The following ARHGAP21 variants were observed in gnomAD, a reference collection of about 807,000 sequenced individuals.
ARHGAP21 encodes the protein rho GTPase-activating protein 21.
A neutral mutation model predicts 164.6 loss-of-function variants in ARHGAP21; 38 were observed. That is an observed-to-expected ratio of 0.23 (90% CI 0.18 to 0.30). ARHGAP21 has a LOEUF of 0.30. Among genes scored for constraint, ARHGAP21 ranks in the 10% least tolerant of loss-of-function variants. ARHGAP21 has a pLI of 1.00. For missense variants in ARHGAP21, 1,822 were observed against 2,370.7 expected (o/e 0.77, Z 4.81); for synonymous variants, 766 against 857.9 (o/e 0.89, Z 1.87).
intron 4 of ARHGAP21, among the ~76,000 whole-genome samples, chr10:24,642,600 C>T (rs913346913): frequency 6.6e-6 from 1 of 151,576 alleles, no homozygotes; most frequent in Non-Finnish European, 1.5e-5. Context: ...GTGATCGGTA[C>T]TGCAAGCTGA....
chr10:24,685,694 G>A (rs1842150220), intron 2 of ARHGAP21, among the ~76,000 whole-genome samples: 1 of 152,004 alleles, frequency 6.6e-6, no homozygotes, highest in African/African-American at 2.4e-5. Context: ...TGGCCAACAT[G>A]GTAAAACCCC....
Position 24,677,203 on chromosome 10 carries a change from G to A in ARHGAP21, c.64-6806C>T, listed in dbSNP as rs1008685385. 3.3e-5 allele frequency among the ~76,000 whole-genome samples: 5 copies of A among 152,214 alleles called. No homozygotes were observed. The East Asian group carries it at 9.6e-4, about 29-fold the overall frequency. ...CCATTGTACTCCTGCCTAAGCGACA[G>A]AGCGAGACTCCGACTCTAAATAAAT... On this transcript the variant is annotated intron_variant, in intron 2 of 25. Coordinates refer to ENST00000396432, the MANE Select transcript of ARHGAP21 (RefSeq NM_020824.4).
intron 2 of ARHGAP21, among the ~76,000 whole-genome samples, chr10:24,676,053 CAGG>C (rs1437423420): frequency 6.6e-6 from 1 of 152,104 alleles, no homozygotes; most frequent in Admixed American, 6.5e-5. Flanking sequence ...GAGGCTGAGG[CAGG>C]AGAAGCACTA....
Position 24,621,265 on chromosome 10 carries a change from G to T in ARHGAP21, c.630C>A (p.Ala210=). The part of the protein sequence containing the change: ...PPICYPWLPS[A]PSAMAQPVEI... ...CAACTGGCTGTGCCATGGCTGATGG[G>T]GCAGATGGCAGCCAGGGATAGCAGA... Residue 210 remains alanine (A), a synonymous_variant, in exon 9 of 26, where the codon GCC becomes GCA. Transcript: ENST00000396432. 2 of 1,613,884 alleles carry T rather than the reference G, an allele frequency of 1.2e-6. No homozygotes were observed. Among genetic ancestry groups the T allele is most frequent in the Non-Finnish European group, 1.7e-6 (2 of 1,179,844 alleles).
chr10:24,604,782 C>A (rs2076956089), intron 11 of ARHGAP21, among the ~76,000 whole-genome samples: 1 of 152,046 alleles, frequency 6.6e-6, no homozygotes. Flanking sequence ...CTGGTGGATA[C>A]CCTGAACTGG....
At chr10:24,628,575 T>C (rs1179315360) in intron 7 of ARHGAP21, among the ~76,000 whole-genome samples, 3 of 152,036 alleles carry the variant, frequency 2.0e-5, no homozygotes, top group Non-Finnish European at 4.4e-5. Flanking sequence ...AATTTAGCTA[T>C]AGGTAATAAG....
intron 7 of ARHGAP21, among the ~76,000 whole-genome samples, chr10:24,623,532 G>A (rs575087404): frequency 3.3e-5 from 5 of 152,258 alleles, no homozygotes; most frequent in African/African-American, 1.2e-4. Context: ...TGCATTTTGG[G>A]TGTGTGCATT....
intron 4 of ARHGAP21, among the ~76,000 whole-genome samples, chr10:24,653,497 C>T (rs1838426866): frequency 2.0e-5 from 3 of 151,696 alleles, no homozygotes; most frequent in South Asian, 4.2e-4. Context: ...GGTGTGAACC[C>T]GGGAAGCGGA....
intron 2 of ARHGAP21, among the ~76,000 whole-genome samples, chr10:24,718,100 C>G (rs550174817): frequency 6.6e-6 from 1 of 152,254 alleles, no homozygotes; most frequent in East Asian, 1.9e-4. Context: ...GACCTGAACT[C>G]AGGTGGGGGT....
intron 7 of ARHGAP21, among the ~76,000 whole-genome samples, chr10:24,628,378 T>C (rs1046200876): frequency 6.6e-6 from 1 of 152,196 alleles, no homozygotes; most frequent in Admixed American, 6.5e-5. Flanking sequence ...CACTTAATTA[T>C]AGTTTACATG....
rs566025075 is a variant in ARHGAP21, at chr10:24,584,927, C to G, written c.5362G>C (p.Val1788Leu). The change falls in exon 26 of 26, where the codon GTG (valine) becomes CTG (leucine). Residue 1788 changes from valine to leucine, a missense_variant. Val to Leu is a conservative substitution (Grantham distance 32). Transcript: ENST00000396432. ...DDMFGVGNHK[V>L]NAETAKRKSI... ...TTCCTTTTAGCAGTCTCGGCATTCA[C>G]TTTGTGATTCCCTACTCCAAACATG... is the stretch of plus-strand genomic sequence containing the variant. 1.2e-6 allele frequency: 2 copies of G among 1,613,950 alleles called. No homozygotes were observed. Among genetic ancestry groups the G allele is most frequent in the East Asian group, 4.5e-5 (2 of 44,874 alleles).
intron 25 of ARHGAP21, among the ~76,000 whole-genome samples, chr10:24,587,397 C>A (rs2076150291): frequency 6.6e-6 from 1 of 152,042 alleles, no homozygotes; most frequent in Non-Finnish European, 1.5e-5. Flanking sequence ...TAGAAACAGA[C>A]AGTATATTTC....
chr10:24,653,861 A>G (rs369202106), intron 4 of ARHGAP21, among the ~76,000 whole-genome samples: 3 of 152,188 alleles, frequency 2.0e-5, no homozygotes, highest in East Asian at 3.9e-4. Context: ...TAGATAAATT[A>G]TATTTTATCA....
intron 2 of ARHGAP21, among the ~76,000 whole-genome samples, chr10:24,721,526 G>A (rs1845934806): frequency 6.6e-6 from 1 of 152,182 alleles, no homozygotes; most frequent in African/African-American, 2.4e-5. Flanking sequence ...GGATACTGAG[G>A]TGCCCATTCT....
At chr10:24,632,206 A>G (rs1293925396) in intron 6 of ARHGAP21, among the ~76,000 whole-genome samples, 3 of 152,242 alleles carry the variant, frequency 2.0e-5, no homozygotes, top group African/African-American at 7.2e-5. Context: ...TGAAAGATGA[A>G]CTGTACCAGT....
chr10:24,678,839 T>C (rs997300091), intron 2 of ARHGAP21, among the ~76,000 whole-genome samples: 16 of 152,210 alleles, frequency 1.1e-4, no homozygotes, highest in Admixed American at 9.2e-4. Context: ...TTCAAGAATG[T>C]TATGCAAATA....
Position 24,721,911 on chromosome 10 carries a change from T to G in ARHGAP21, c.-12A>C. On this transcript the variant is annotated 5_prime_UTR_variant, in exon 2 of 26. Transcript: ENST00000396432. ...CGCGTGGCCATCATTTCATTTCAAA[T>G]GACAAAGAAGGGACAAATCCTTTGG... 6.2e-7 allele frequency: 1 copy of G among 1,614,080 alleles called. No homozygotes were observed. The highest frequency in any genetic ancestry group is 8.5e-7 in the Non-Finnish European group (1 of 1,180,006).
At chr10:24,604,732 A>T (rs2076954069) in intron 11 of ARHGAP21, among the ~76,000 whole-genome samples, 1 of 152,182 alleles carries the variant, frequency 6.6e-6, no homozygotes, top group African/African-American at 2.4e-5. Context: ...ATTAGCAGCC[A>T]GCTTCAGGGA....
At chr10:24,617,420 A>T (rs1834062708) in intron 9 of ARHGAP21, among the ~76,000 whole-genome samples, 1 of 152,150 alleles carries the variant, frequency 6.6e-6, no homozygotes, top group Non-Finnish European at 1.5e-5. Flanking sequence ...TTACATTTTA[A>T]AACTTCATAA....
Sources: gnomAD v4.1 joint callset for allele counts (sites outside exome capture counted in the v4.1 genomes callset) on GRCh38, gnomAD v4.1.1 for gene constraint, MANE v1.5 for transcripts, NCBI Gene and HGNC (gene_info 2026-07-23, HGNC 2026-07-21) for gene names.